The following IL3RA variants were observed in gnomAD, a reference collection of about 807,000 sequenced individuals.
IL3RA encodes the protein interleukin 3 receptor subunit alpha, also known as interleukin-3 receptor subunit alpha.
In IL3RA, 73 loss-of-function variants were observed where a neutral mutation model predicts 52.3. The observed-to-expected ratio is 1.40, with a 90% CI of 1.16 to 1.70. The LOEUF is 1.70. IL3RA is among the 40% of genes most tolerant of loss of function. The pLI, the probability that IL3RA is intolerant of heterozygous loss-of-function variation, is 0.00. For synonymous variants in IL3RA, 260 were observed against 194.0 expected, an observed-to-expected ratio of 1.34 and a Z score of -2.83; for missense variants, 664 against 504.4, an observed-to-expected ratio of 1.32 and a Z score of -3.03.
At chrX:1,361,821 C>T (rs370520628) in intron 8 of IL3RA, among the ~76,000 whole-genome samples, 52 of 151,284 alleles carry the variant, frequency 3.4e-4, no homozygotes, top group African/African-American at 1.2e-3. Context: ...CATTAGATCT[C>T]GTGAGACTTA....
At chrX:1,379,777 GAGA>G (rs1293692378) in intron 10 of IL3RA, among the ~76,000 whole-genome samples, 18 of 152,112 alleles carry the variant, frequency 1.2e-4, no homozygotes, top group African/African-American at 1.4e-4. Flanking sequence ...CTTTTTTTTA[GAGA>G]AGGAGTTTTG....
At chrX:1,344,409 G>T (rs1308085085) in intron 2 of IL3RA, among the ~76,000 whole-genome samples, 1 of 151,870 alleles carries the variant, frequency 6.6e-6, no homozygotes, top group Non-Finnish European at 1.5e-5. Flanking sequence ...ATTCCAGCCT[G>T]GGCGACAGAG....
chrX:1,350,319 G>T (rs2086026456), intron 4 of IL3RA, among the ~76,000 whole-genome samples: 1 of 151,554 alleles, frequency 6.6e-6, no homozygotes, highest in Non-Finnish European at 1.5e-5. Context: ...GCCGGGCATG[G>T]TGGCTCACGC....
chrX:1,344,135 A>G (rs2085622112), intron 2 of IL3RA, among the ~76,000 whole-genome samples: 1 of 151,966 alleles, frequency 6.6e-6, no homozygotes, highest in Non-Finnish European at 1.5e-5. Flanking sequence ...TCCTGTGTAC[A>G]TAGAACTCCA....
At chrX:1,362,383 C>G (rs2087505348) in intron 8 of IL3RA, among the ~76,000 whole-genome samples, 2 of 149,888 alleles carry the variant, frequency 1.3e-5, no homozygotes, top group Admixed American at 1.3e-4. Context: ...GTCTCTTTGT[C>G]TCTGTCTGTT....
chrX:1,376,866 G>T (rs1299605998), intron 9 of IL3RA, among the ~76,000 whole-genome samples: 1 of 78,374 alleles, frequency 1.3e-5, no homozygotes, highest in Non-Finnish European at 2.3e-5. Context: ...CGACCCTGTG[G>T]GACACAGGGA....
Position 1,346,159 on chromosome X carries a change from G to A in IL3RA, c.183+725G>A, listed in dbSNP as rs1384551150. ...GAAACGCTGTCTCTGCTAAAAATAC[G>A]AAAGTTAGCCGGGCACAGTGGCTCA... is the stretch of plus-strand genomic sequence containing the variant. On this transcript the variant is annotated intron_variant, in intron 3 of 11. Coordinates refer to ENST00000331035, the MANE Select transcript of IL3RA (RefSeq NM_002183.4). Among the ~76,000 whole-genome samples, 9 of 151,778 alleles carry A rather than the reference G, an allele frequency of 5.9e-5. 1 individual carries two copies. The highest frequency in any genetic ancestry group is 7.4e-5 in the Non-Finnish European group (5 of 67,980).
At chrX:1,367,638 C>G (rs867314022) in intron 9 of IL3RA, among the ~76,000 whole-genome samples, 38 of 49,032 alleles carry the variant, frequency 7.8e-4, no homozygotes, top group East Asian at 2.9e-3. Context: ...CGGGGTGCGC[C>G]GGGTGAGCCG....
At chrX:1,364,684 C>T (rs754305629) in intron 8 of IL3RA, among the ~76,000 whole-genome samples, 2 of 151,644 alleles carry the variant, frequency 1.3e-5, no homozygotes, top group East Asian at 3.9e-4. Flanking sequence ...TGCTATGTTG[C>T]CCAGGCTGGT....
intron 6 of IL3RA, 101 bp downstream of exon 6, chrX:1,352,607 G>A (rs1411135178): frequency 3.9e-5 from 49 of 1,246,140 alleles, no homozygotes; most frequent in South Asian, 8.6e-5. Context: ...CAACGCAGAC[G>A]TTGGCCTCTC....
chrX:1,341,974 C>A, intron 2 of IL3RA, 145 bp downstream of exon 2: 1 of 857,398 alleles, frequency 1.2e-6, no homozygotes, highest in Non-Finnish European at 1.9e-6. Context: ...ATGACTCAGA[C>A]ACTTCCCTGT....
intron 9 of IL3RA, among the ~76,000 whole-genome samples, chrX:1,378,182 CAAA>C (rs370693489): frequency 1.2e-5 from 1 of 86,300 alleles, no homozygotes. Context: ...GACTCCATCT[CAAA>C]AAAAAAAAAA....
At chrX:1,348,280 G>A in intron 3 of IL3RA, 151 bp from the exon 4 acceptor site, 1 of 674,044 alleles carries the variant, frequency 1.5e-6, no homozygotes, top group East Asian at 2.6e-5. Context: ...TTGAACCCGG[G>A]AGGGAGAGGC....
At chrX:1,351,477 C>T (rs140470994) in intron 4 of IL3RA, among the ~76,000 whole-genome samples, 6,491 of 150,816 alleles carry the variant, frequency 0.043, 154 homozygotes, top group Middle Eastern at 0.066. Flanking sequence ...TACAGCGGCC[C>T]GACATCACGC....
At chrX:1,350,751 T>C (rs1441831618) in intron 4 of IL3RA, among the ~76,000 whole-genome samples, 1 of 148,202 alleles carries the variant, frequency 6.7e-6, no homozygotes, top group Non-Finnish European at 1.5e-5. Flanking sequence ...AATACAAAAT[T>C]AGCCAGGGGT....
At chrX:1,378,363 C>T (rs1329491869) in intron 9 of IL3RA, among the ~76,000 whole-genome samples, 2 of 152,138 alleles carry the variant, frequency 1.3e-5, no homozygotes, top group Non-Finnish European at 2.9e-5. Context: ...TGGCGCTCCC[C>T]GTGTCCCGAG....
chrX:1,345,278 T>G (rs200372732), intron 2 of IL3RA, 38 bp from the exon 3 acceptor site: 2 of 1,419,794 alleles, frequency 1.4e-6, no homozygotes, highest in Non-Finnish European at 2.0e-6. Context: ...TTAAGATTCT[T>G]ACGTATCTCT....
intron 2 of IL3RA, among the ~76,000 whole-genome samples, chrX:1,343,268 G>A (rs1231133252): frequency 1.3e-5 from 2 of 152,024 alleles, no homozygotes. Flanking sequence ...AGTTTATAAA[G>A]TCATTTCCTC....
chrX:1,365,383 G>A, intron 9 of IL3RA, 131 bp downstream of exon 9: 2 of 231,158 alleles, frequency 8.7e-6, no homozygotes, highest in South Asian at 1.7e-4. Flanking sequence ...CGCGGGGTGA[G>A]CCGGCTGCGC....
Sources: allele counts gnomAD v4.1 joint callset (sites outside exome capture counted in the v4.1 genomes callset), GRCh38; gene constraint gnomAD v4.1.1; transcripts MANE v1.5; gene names NCBI Gene and HGNC (gene_info 2026-07-23, HGNC 2026-07-21).